Variants in CDH12 observed in about 807,000 individuals in gnomAD.
CDH12 encodes cadherin-12.
A neutral mutation model predicts 74.1 loss-of-function variants in CDH12; 41 were observed. That is an observed-to-expected ratio of 0.55 (90% confidence interval 0.43 to 0.72). The LOEUF (loss-of-function observed/expected upper bound fraction) is 0.72. Among genes scored for constraint, CDH12 ranks in the 30% least tolerant of loss-of-function variants. The pLI, the probability that CDH12 is intolerant of heterozygous loss-of-function variation, is 0.00. For missense variants in CDH12, 945 were observed against 977.2 expected, an observed-to-expected ratio of 0.97 and a Z score of 0.44; for synonymous variants, 399 against 355.0, an observed-to-expected ratio of 1.12 and a Z score of -1.39.
At chr5:22,419,804 C>T (rs867921189) in intron 2 of CDH12, among the ~76,000 whole-genome samples, 1 of 152,156 alleles carries the variant, frequency 6.6e-6, no homozygotes, top group Non-Finnish European at 1.5e-5. Flanking sequence ...ACAGCCTCAC[C>T]AGCATCTGCT....
intron 1 of CDH12, among the ~76,000 whole-genome samples, chr5:22,576,718 C>T (rs1739806575): frequency 6.7e-6 from 1 of 148,550 alleles, no homozygotes; most frequent in African/African-American, 2.5e-5. Context: ...AGGCGATGGT[C>T]CTTGCGTCTT....
intron 3 of CDH12, among the ~76,000 whole-genome samples, chr5:22,260,995 T>G (rs1208270436): frequency 6.6e-6 from 1 of 151,788 alleles, no homozygotes; most frequent in Non-Finnish European, 1.5e-5. Context: ...ACAATTACAT[T>G]TATATCCTAG....
rs1352628970 is a variant in CDH12, at chr5:22,471,190, T to C, written c.-428+34080A>G. 2.6e-5 allele frequency among the ~76,000 whole-genome samples: 4 copies of C among 152,204 alleles called. No homozygotes were observed. The South Asian group carries it at 8.3e-4, about 31-fold the overall frequency. ...TTGCACCTGTTCTTTCAACACCCAA[T>C]GAACAATCTCCCTAAAGGTATGAAT... On this transcript the variant is annotated intron_variant, in intron 2 of 14. Coordinates refer to ENST00000382254, the MANE Select transcript of CDH12 (RefSeq NM_004061.5).
At chr5:22,525,730 A>G (rs1012365951) in intron 1 of CDH12, among the ~76,000 whole-genome samples, 2 of 152,002 alleles carry the variant, frequency 1.3e-5, no homozygotes, top group Non-Finnish European at 2.9e-5. Flanking sequence ...TTCGGGCTCT[A>G]CTTGTGGGTA....
intron 4 of CDH12, among the ~76,000 whole-genome samples, chr5:22,121,858 G>A (rs982558953): frequency 2.0e-5 from 3 of 151,848 alleles, no homozygotes; most frequent in African/African-American, 7.3e-5. Context: ...TTACAAATCC[G>A]CCATCAAAGA....
intron 1 of CDH12, among the ~76,000 whole-genome samples, chr5:22,813,969 G>C (rs148289883): frequency 6.6e-6 from 1 of 152,196 alleles, no homozygotes; most frequent in African/African-American, 2.4e-5. Context: ...AACATGCTAA[G>C]TCCATGGTAA....
At chr5:22,313,280 A>G (rs1406425742) in intron 3 of CDH12, among the ~76,000 whole-genome samples, 4 of 152,316 alleles carry the variant, frequency 2.6e-5, no homozygotes, top group Non-Finnish European at 5.9e-5. Flanking sequence ...GACTTTGAGA[A>G]GAGAGAAAGT....
rs193020102 is a variant in CDH12 at position 21,917,579 on chromosome 5, C to T, written c.526+57512G>A. On this transcript the variant is annotated intron_variant, in intron 6 of 14. Transcript: ENST00000382254. ...GCACTAGACATGGAGAGAAAATCAT[C>T]GAGTCTAGTGTATCTTTATTTTCTA... Among the ~76,000 whole-genome samples, 3 of 152,178 alleles carry T rather than the reference C, an allele frequency of 2.0e-5. No individual in the cohort carries two copies. In the East Asian group the frequency reaches 5.8e-4, roughly 29 times the overall value.
intron 3 of CDH12, among the ~76,000 whole-genome samples, chr5:22,394,767 G>C (rs185188017): frequency 1.2e-4 from 19 of 152,154 alleles, no homozygotes; most frequent in Non-Finnish European, 1.9e-4. Flanking sequence ...GGTTTCACAG[G>C]TTCATAAATG....
intron 2 of CDH12, among the ~76,000 whole-genome samples, chr5:22,426,419 T>C (rs1195120162): frequency 2.0e-5 from 3 of 152,072 alleles, no homozygotes; most frequent in African/African-American, 7.2e-5. Flanking sequence ...ATTATGCCTA[T>C]GGTCAATTTA....
intron 1 of CDH12, among the ~76,000 whole-genome samples, chr5:22,572,809 T>C (rs1338659764): frequency 6.6e-6 from 1 of 152,204 alleles, no homozygotes; most frequent in Admixed American, 6.5e-5. Flanking sequence ...AGTGTTCTAT[T>C]AAAAGCACCT....
chr5:22,036,734 C>A lies in CDH12; in HGVS notation c.231+41712G>T, dbSNP rs545334895. 2.6e-4 allele frequency among the ~76,000 whole-genome samples: 40 copies of A among 152,158 alleles called. No individual in the cohort carries two copies. In the South Asian group the frequency reaches 4.2e-3, roughly 16 times the overall value. On this transcript the variant is annotated intron_variant, in intron 5 of 14. Coordinates refer to ENST00000382254, the MANE Select transcript of CDH12 (RefSeq NM_004061.5). ...GCTTTTAGGGTCTATAAAATTTAAT[C>A]AAGGTTTAATTGGTGTTTTAAGACC...
intron 1 of CDH12, among the ~76,000 whole-genome samples, chr5:22,645,676 C>G (rs1212118204): frequency 2.6e-5 from 4 of 151,962 alleles, no homozygotes; most frequent in African/African-American, 9.7e-5. Context: ...ACAGAGGAAT[C>G]TTTCATGAAA....
intron 2 of CDH12, among the ~76,000 whole-genome samples, chr5:22,455,060 G>A (rs575462404): frequency 7.7e-4 from 118 of 152,272 alleles, no homozygotes; most frequent in African/African-American, 2.6e-3. Flanking sequence ...AACTTTTGTA[G>A]ATTTTGTTTA....
chr5:21,930,610 A>T (rs1226599264), intron 6 of CDH12, among the ~76,000 whole-genome samples: 1 of 152,110 alleles, frequency 6.6e-6, no homozygotes, highest in Non-Finnish European at 1.5e-5. Context: ...AATGTTGGTG[A>T]TTTTTATTAG....
intron 6 of CDH12, among the ~76,000 whole-genome samples, chr5:21,919,857 T>C (rs1211706793): frequency 6.6e-6 from 1 of 152,160 alleles, no homozygotes; most frequent in Admixed American, 6.6e-5. Flanking sequence ...AGAGTTCTAA[T>C]GTCAGTGATG....
At chr5:21,854,640 G>A in intron 7 of CDH12, 31 bp downstream of exon 7, 1 of 1,494,730 alleles carries the variant, frequency 6.7e-7, no homozygotes, top group Non-Finnish European at 9.1e-7. Flanking sequence ...TGAAGGGCTG[G>A]TGATAATGTT....
chr5:22,271,863 A>T (rs1736415271), intron 3 of CDH12, among the ~76,000 whole-genome samples: 1 of 152,130 alleles, frequency 6.6e-6, no homozygotes, highest in African/African-American at 2.4e-5. Flanking sequence ...ATAAACAATC[A>T]TGCTATCACT....
chr5:22,636,481 A>T (rs1431688204), intron 1 of CDH12, among the ~76,000 whole-genome samples: 1 of 152,226 alleles, frequency 6.6e-6, no homozygotes, highest in South Asian at 2.1e-4. Context: ...CGTATTCTTT[A>T]GTAATAAAAA....
Sources: allele counts gnomAD v4.1 joint callset (sites outside exome capture counted in the v4.1 genomes callset), GRCh38; gene constraint gnomAD v4.1.1; transcripts MANE v1.5; gene names NCBI Gene and HGNC (gene_info 2026-07-23, HGNC 2026-07-21).